Variants in ABCB1 observed in about 807,000 individuals in gnomAD.
ABCB1 encodes ATP binding cassette subfamily B member 1.
ABCB1 carries 69 observed loss-of-function variants against 142.0 expected under a neutral mutation model. That is an observed-to-expected ratio of 0.49 (90% CI 0.40 to 0.59). The LOEUF (loss-of-function observed/expected upper bound fraction) is 0.59. Among genes scored for constraint, ABCB1 ranks in the 20% least tolerant of loss-of-function variants. The probability of loss-of-function intolerance (pLI) is 0.00; values close to 1 mark genes in which losing one functional copy is unlikely to be tolerated. For synonymous variants in ABCB1, 532 were observed against 539.2 expected, an observed-to-expected ratio of 0.99 and a Z score of 0.18; for missense variants, 1,326 against 1,554.7, an observed-to-expected ratio of 0.85 and a Z score of 2.47.
chr7:87,702,318 G>A (rs1829163414), intron 1 of ABCB1, among the ~76,000 whole-genome samples: 1 of 150,708 alleles, frequency 6.6e-6, no homozygotes. Context: ...TTGCTCTGTT[G>A]CCCAGGTTGG....
chr7:87,668,367 G>A (rs1027653944), intron 1 of ABCB1, among the ~76,000 whole-genome samples: 6 of 151,644 alleles, frequency 4.0e-5, no homozygotes, highest in Non-Finnish European at 7.4e-5. Flanking sequence ...TTTATTTGGA[G>A]CTTTTCTTCC....
chr7:87,699,626 G>A (rs748919993), intron 1 of ABCB1, among the ~76,000 whole-genome samples: 9 of 152,144 alleles, frequency 5.9e-5, no homozygotes, highest in East Asian at 1.9e-4. Context: ...GGCTGGCCTC[G>A]AACTCCTGGC....
intron 1 of ABCB1, among the ~76,000 whole-genome samples, chr7:87,692,816 C>T (rs1488571145): frequency 6.6e-6 from 1 of 152,158 alleles, no homozygotes; most frequent in Non-Finnish European, 1.5e-5. Flanking sequence ...ATAGCAAGAA[C>T]ATTATGTTCT....
In ABCB1 at chr7:87,544,885, T is replaced by C. The variant is rs778576220; in HGVS notation, c.2002A>G (p.Thr668Ala). The C allele has an allele frequency of 1.2e-6, 2 of 1,614,002 alleles. No individual in the cohort carries two copies. The highest frequency in any genetic ancestry group is 2.2e-5 in the South Asian group (2 of 91,094). ...SRSSLIRKRSTRRSVRGSQAQ... is the reference protein window; with the variant it reads ...SRSSLIRKRSARRSVRGSQAQ... ...TGTGATCCACGGACACTCCTACGAG[T>C]TGATCTTTTTCTTATTAGACTGGAT... is the stretch of plus-strand genomic sequence containing the variant. Residue 668 changes from threonine to alanine, a missense_variant, in exon 16 of 28, where the codon ACT becomes GCT. Coordinates refer to ENST00000622132, the MANE Select transcript of ABCB1 (RefSeq NM_001348946.2).
chr7:87,651,817 C>A (rs1399421123), intron 1 of ABCB1, among the ~76,000 whole-genome samples: 1 of 151,980 alleles, frequency 6.6e-6, no homozygotes, highest in African/African-American at 2.4e-5. Context: ...GGGCCCAGAG[C>A]AAAGGATTGA....
At chr7:87,516,694 A>G in intron 23 of ABCB1, 29 bp from the exon 24 acceptor site, 2 of 1,599,884 alleles carry the variant, frequency 1.3e-6, no homozygotes, top group Admixed American at 1.7e-5. Context: ...AAACATGTGC[A>G]CAGCATTACC....
In ABCB1 at chr7:87,516,646, A is replaced by G. The variant is rs746992715; in HGVS notation, c.2947T>C (p.Phe983Leu). 6.2e-7 allele frequency: 1 copy of G among 1,614,134 alleles called. No homozygotes were observed. The highest frequency in any genetic ancestry group is 8.5e-7 in the Non-Finnish European group (1 of 1,180,028). Reference protein sequence around the residue: ...DVLLVFSAVVFGAMAVGQVSS... With the variant: ...DVLLVFSAVVLGAMAVGQVSS... ...ACTTGCCCCACGGCCATGGCACCAAAGACAACAGCTGAAAATACTCTGGAA... is the reference window on the plus strand; with the variant it reads ...ACTTGCCCCACGGCCATGGCACCAAGGACAACAGCTGAAAATACTCTGGAA... The change falls in exon 24 of 28, where the codon TTT becomes CTT. Residue 983 changes from phenylalanine (F) to leucine (L), a missense_variant. By Grantham distance (22) the Phe-to-Leu change is conservative. Transcript: ENST00000622132.
chr7:87,628,388 C>T (rs1820813925), intron 1 of ABCB1: 1 of 156,026 alleles, frequency 6.4e-6, no homozygotes, highest in African/African-American at 2.4e-5. Context: ...CACGCGAGGC[C>T]GGGGGCCTTG....
chr7:87,509,560 A>C, intron 25 of ABCB1, 79 bp from the exon 26 acceptor site: 1 of 1,445,128 alleles, frequency 6.9e-7, no homozygotes, highest in Non-Finnish European at 9.6e-7. Context: ...TATTTCTTAC[A>C]CTGAAACTGC....
At chr7:87,628,831 C>G in intron 1 of ABCB1, 1 of 1,256,378 alleles carries the variant, frequency 8.0e-7, no homozygotes, top group Non-Finnish European at 1.0e-6. Flanking sequence ...GCCATGGCCT[C>G]CCGGAGCCTG....
Position 87,566,189 on chromosome 7 carries a change from G to A in ABCB1, c.583C>T (p.Gln195Ter). The A allele has an allele frequency of 6.2e-7, 1 of 1,614,134 alleles. No homozygotes were observed. Among genetic ancestry groups the A allele is most frequent in the Non-Finnish European group, 8.5e-7 (1 of 1,179,986 alleles). Residue 195 changes from glutamine (Q) to a stop codon, truncating the protein, a stop_gained, in exon 7 of 28, where the codon CAG becomes TAG. Transcript: ENST00000622132. LOFTEE classifies it high-confidence loss of function. ...CCAGTGAAAAATGTTGCCATTGACTGAAAGAACATTCCAATTTTGTCACCA... is the reference window on the plus strand; with the variant it reads ...CCAGTGAAAAATGTTGCCATTGACTAAAAGAACATTCCAATTTTGTCACCA... ...GIGDKIGMFF[Q>*]SMATFFTGFI...
intron 1 of ABCB1, among the ~76,000 whole-genome samples, chr7:87,706,038 T>C (rs1267591750): frequency 6.6e-6 from 1 of 152,202 alleles, no homozygotes; most frequent in Non-Finnish European, 1.5e-5. Context: ...TTAATAGCAG[T>C]TCTTGTTTTT....
intron 17 of ABCB1, among the ~76,000 whole-genome samples, chr7:87,543,654 T>A (rs1222937926): frequency 6.6e-6 from 1 of 152,218 alleles, no homozygotes; most frequent in Non-Finnish European, 1.5e-5. Context: ...GCCGTTCCTA[T>A]TTGTTTTAAT....
At chr7:87,561,171 G>A in intron 8 of ABCB1, 92 bp downstream of exon 8, 1 of 1,458,796 alleles carries the variant, frequency 6.9e-7, no homozygotes, top group Non-Finnish European at 9.5e-7. Flanking sequence ...ATATATATGG[G>A]AGAAAATGCT....
chr7:87,557,022 G>T (rs1397580552), intron 8 of ABCB1, among the ~76,000 whole-genome samples: 2 of 152,042 alleles, frequency 1.3e-5, no homozygotes, highest in East Asian at 3.9e-4. Flanking sequence ...TCATCCCTCA[G>T]GTCTCAGCTG....
At chr7:87,554,268 T>C (rs1817219093) in intron 8 of ABCB1, among the ~76,000 whole-genome samples, 1 of 151,886 alleles carries the variant, frequency 6.6e-6, no homozygotes, top group Non-Finnish European at 1.5e-5. Context: ...GGAAAAAACC[T>C]GTGTCTTTCC....
At chr7:87,565,567 GTT>G (rs998047180) in intron 7 of ABCB1, 13 of 390,866 alleles carry the variant, frequency 3.3e-5, no homozygotes, top group Non-Finnish European at 6.6e-5. Context: ...ATTTAACTGT[GTT>G]TGAATGCTGA....
intron 21 of ABCB1, chr7:87,521,492 A>G: frequency 2.7e-6 from 2 of 745,758 alleles, no homozygotes; most frequent in Non-Finnish European, 5.0e-6. Flanking sequence ...AATGAGCCCA[A>G]ACAGCTGAGG....
chr7:87,522,136 T>G (rs934993360), intron 21 of ABCB1: 43 of 1,411,470 alleles, frequency 3.0e-5, no homozygotes, highest in Admixed American at 1.3e-4. Flanking sequence ...CAGTGGTCAT[T>G]GTGGCTTTGG....
Sources: allele counts gnomAD v4.1 joint callset (sites outside exome capture counted in the v4.1 genomes callset), GRCh38; gene constraint gnomAD v4.1.1; transcripts MANE v1.5; gene names NCBI Gene and HGNC (gene_info 2026-07-23, HGNC 2026-07-21).